DCC: variants seen among roughly 807,000 people sequenced by gnomAD.
DCC encodes the protein netrin receptor DCC.
A neutral mutation model predicts 172.5 loss-of-function variants in DCC; 58 were observed. The ratio of observed to expected loss-of-function variants is 0.34; its 90% CI spans 0.27 to 0.42. DCC has a LOEUF of 0.42. DCC is among the 10% of genes least tolerant of loss of function. The pLI is 1.00. For synonymous variants in DCC, 709 were observed against 644.5 expected, an observed-to-expected ratio of 1.10 and a Z score of -1.52; for missense variants, 1,740 against 1,791.0, an observed-to-expected ratio of 0.97 and a Z score of 0.51.
chr18:53,003,418 G>A (rs1321090381), intron 5 of DCC, among the ~76,000 whole-genome samples: 3 of 151,028 alleles, frequency 2.0e-5, no homozygotes, highest in African/African-American at 7.3e-5. Context: ...GAGAGATTTT[G>A]GTTGGGACCA....
At chr18:53,431,960 A>T (rs1436963784) in intron 21 of DCC, among the ~76,000 whole-genome samples, 1 of 152,170 alleles carries the variant, frequency 6.6e-6, no homozygotes, top group Admixed American at 6.6e-5. Flanking sequence ...CCATAAATCC[A>T]TTTAATTATT....
At chr18:52,736,691 A>G (rs1431782521) in intron 1 of DCC, among the ~76,000 whole-genome samples, 1 of 152,188 alleles carries the variant, frequency 6.6e-6, no homozygotes, top group East Asian at 1.9e-4. Flanking sequence ...ACAAATAAAA[A>G]TGTTATATAG....
chr18:53,272,145 C>T (rs527500111), intron 12 of DCC, among the ~76,000 whole-genome samples: 1 of 152,110 alleles, frequency 6.6e-6, no homozygotes, highest in Non-Finnish European at 1.5e-5. Flanking sequence ...TTAATTTAGG[C>T]AAGCAACTGA....
chr18:53,412,441 T>A (rs148503221), intron 20 of DCC, among the ~76,000 whole-genome samples: 2 of 152,232 alleles, frequency 1.3e-5, no homozygotes, highest in African/African-American at 4.8e-5. Flanking sequence ...AAATTACTCA[T>A]CATAAGAGAT....
chr18:52,636,365 G>T (rs188583137), intron 1 of DCC, among the ~76,000 whole-genome samples: 70 of 127,976 alleles, frequency 5.5e-4, no homozygotes, highest in African/African-American at 2.1e-3. Flanking sequence ...CACGAATTGG[G>T]GATACAGACT....
At chr18:53,513,989 C>T (rs891710414) in intron 27 of DCC, among the ~76,000 whole-genome samples, 3 of 151,014 alleles carry the variant, frequency 2.0e-5, no homozygotes, top group Admixed American at 6.6e-5. Flanking sequence ...GAACTCTCCA[C>T]CCCAAATCAA....
intron 27 of DCC, among the ~76,000 whole-genome samples, chr18:53,502,503 A>C (rs868459249): frequency 3.9e-5 from 6 of 152,304 alleles, no homozygotes; most frequent in Middle Eastern, 3.4e-3. Context: ...CATTAACTAC[A>C]TGCTTCTTAG....
At chr18:52,856,573 C>A (rs889247084) in intron 2 of DCC, among the ~76,000 whole-genome samples, 18 of 133,342 alleles carry the variant, frequency 1.3e-4, no homozygotes, top group Admixed American at 7.3e-4. Flanking sequence ...TTGCAGTGAG[C>A]CGGGATTGCG....
At chr18:52,822,431 G>A (rs956894000) in intron 2 of DCC, among the ~76,000 whole-genome samples, 3 of 152,166 alleles carry the variant, frequency 2.0e-5, no homozygotes, top group African/African-American at 7.2e-5. Flanking sequence ...TCTATTTATA[G>A]CTCAGAGTAA....
intron 15 of DCC, among the ~76,000 whole-genome samples, chr18:53,350,208 G>A (rs1450833619): frequency 6.6e-6 from 1 of 152,046 alleles, no homozygotes; most frequent in East Asian, 1.9e-4. Flanking sequence ...AAACTATCAT[G>A]TCTTAAGGAA....
In DCC at chr18:53,515,416, C is replaced by T. The variant is rs887688448; in HGVS notation, c.4112-11201C>T. ...GACAGGGATGCCCTCTCTCACCACT[C>T]GTATTCAACATAGTGTTGGAAGTTC... On this transcript the variant is annotated intron_variant, in intron 27 of 28. Coordinates refer to ENST00000442544, the MANE Select transcript of DCC (RefSeq NM_005215.4). Among the ~76,000 whole-genome samples, 35 of 150,676 alleles carry T rather than the reference C, an allele frequency of 2.3e-4. 1 individual carries two copies. Among genetic ancestry groups the T allele is most frequent in the African/African-American group, 7.3e-4 (30 of 41,328 alleles).
At chr18:52,637,401 G>T (rs1331368933) in intron 1 of DCC, among the ~76,000 whole-genome samples, 1 of 151,928 alleles carries the variant, frequency 6.6e-6, no homozygotes, top group Non-Finnish European at 1.5e-5. Flanking sequence ...CCAAATGCAA[G>T]GAAATCCAAA....
chr18:52,991,466 C>T (rs2041391005), intron 5 of DCC, among the ~76,000 whole-genome samples: 1 of 152,144 alleles, frequency 6.6e-6, no homozygotes, highest in Non-Finnish European at 1.5e-5. Flanking sequence ...TTGAATAAGG[C>T]TGTACATTCT....
chr18:53,077,938 C>A (rs965888743), intron 7 of DCC, among the ~76,000 whole-genome samples: 5 of 152,178 alleles, frequency 3.3e-5, no homozygotes, highest in Admixed American at 1.3e-4. Context: ...ATGATAGGGC[C>A]CATTGCTAAG....
intron 12 of DCC, among the ~76,000 whole-genome samples, chr18:53,240,649 G>A (rs1252699429): frequency 6.6e-6 from 1 of 152,162 alleles, no homozygotes; most frequent in Non-Finnish European, 1.5e-5. Flanking sequence ...TCTGTAAAAT[G>A]AGACTAATAC....
At chr18:52,721,279 T>G (rs145964005) in intron 1 of DCC, among the ~76,000 whole-genome samples, 1 of 152,244 alleles carries the variant, frequency 6.6e-6, no homozygotes, top group African/African-American at 2.4e-5. Context: ...GCAATCTTTG[T>G]GATTTCAATT....
intron 25 of DCC, among the ~76,000 whole-genome samples, chr18:53,470,966 T>G (rs4940259): frequency 6.6e-6 from 1 of 152,106 alleles, no homozygotes; most frequent in Admixed American, 6.5e-5. Context: ...TGCCTCTTCA[T>G]TCTGATTTCC....
chr18:53,219,132 G>A (rs2055894875), intron 12 of DCC, among the ~76,000 whole-genome samples: 1 of 152,080 alleles, frequency 6.6e-6, no homozygotes, highest in Non-Finnish European at 1.5e-5. Flanking sequence ...TCTAGAATTT[G>A]CCTTCATGCA....
intron 2 of DCC, among the ~76,000 whole-genome samples, chr18:52,881,469 G>A (rs961060244): frequency 1.3e-5 from 2 of 152,164 alleles, no homozygotes; most frequent in Non-Finnish European, 2.9e-5. Flanking sequence ...TACTGTAGTA[G>A]TTTCATAGAT....
Sources: gnomAD v4.1 joint callset for allele counts (sites outside exome capture counted in the v4.1 genomes callset) on GRCh38, gnomAD v4.1.1 for gene constraint, MANE v1.5 for transcripts, NCBI Gene and HGNC (gene_info 2026-07-23, HGNC 2026-07-21) for gene names.